ACTR2: variants seen among roughly 807,000 people sequenced by gnomAD.
ACTR2 encodes the protein actin related protein 2, also known as actin-related protein 2.
In ACTR2, 5 loss-of-function variants were observed where a neutral mutation model predicts 50.2. The ratio of observed to expected loss-of-function variants is 0.10; its 90% CI spans 0.05 to 0.21. The LOEUF is 0.21. Ranked by LOEUF, ACTR2 falls within the 10% of genes least tolerant of loss-of-function variation. The probability of loss-of-function intolerance (pLI) is 1.00; values close to 1 mark genes in which losing one functional copy is unlikely to be tolerated. For missense variants in ACTR2, 180 were observed against 480.6 expected, an observed-to-expected ratio of 0.37 and a Z score of 5.85; for synonymous variants, 140 against 162.9, an observed-to-expected ratio of 0.86 and a Z score of 1.07.
At chr2:65,228,216 C>T (rs960771469) in intron 1 of ACTR2, 3 of 379,650 alleles carry the variant, frequency 7.9e-6, no homozygotes, top group African/African-American at 2.1e-5. Flanking sequence ...GACATGGAGC[C>T]TACTGACCGC....
At chr2:65,238,266 A>G (rs904529839) in intron 1 of ACTR2, among the ~76,000 whole-genome samples, 1 of 152,222 alleles carries the variant, frequency 6.6e-6, no homozygotes, top group African/African-American at 2.4e-5. Flanking sequence ...CTTCTTATGT[A>G]TAAAATGGAA....
chr2:65,256,485 A>C (rs1672150867), intron 6 of ACTR2, among the ~76,000 whole-genome samples: 1 of 152,226 alleles, frequency 6.6e-6, no homozygotes, highest in South Asian at 2.1e-4. Flanking sequence ...AGTAATAGGC[A>C]ATGAAGGCAA....
rs1573156293 is a variant in ACTR2, at chr2:65,246,655, A to G, written c.291A>G (p.Lys97=). ...GGGACTACACATTTGGACCAGAGAAACTTAATATAGATACCAGAAATTGTA... is the reference window on the plus strand; with the variant it reads ...GGGACTACACATTTGGACCAGAGAAGCTTAATATAGATACCAGAAATTGTA... ...HLWDYTFGPE[K]LNIDTRNCKI... Residue 97 remains lysine (K), a synonymous_variant, in exon 3 of 9, where the codon AAA becomes AAG. Transcript: ENST00000260641. 1 of 1,613,662 alleles carries G rather than the reference A, an allele frequency of 6.2e-7. No individual in the cohort carries two copies. The highest frequency in any genetic ancestry group is 8.5e-7 in the Non-Finnish European group (1 of 1,179,804).
chr2:65,247,906 G>A (rs189545961), intron 3 of ACTR2, among the ~76,000 whole-genome samples: 98 of 152,288 alleles, frequency 6.4e-4, no homozygotes, highest in African/African-American at 2.3e-3. Flanking sequence ...AGAAGGTGAT[G>A]TTTAAACAGA....
chr2:65,232,900 A>G (rs545333918), intron 1 of ACTR2, among the ~76,000 whole-genome samples: 4 of 152,248 alleles, frequency 2.6e-5, no homozygotes, highest in African/African-American at 7.2e-5. Flanking sequence ...AATGATTGAC[A>G]TGGGGGAGGA....
chr2:65,242,621 A>G (rs781401257), intron 2 of ACTR2: 19 of 507,688 alleles, frequency 3.7e-5, no homozygotes, highest in African/African-American at 1.7e-4. Context: ...AGATTTCACA[A>G]CGTTATCTGA....
intron 1 of ACTR2, among the ~76,000 whole-genome samples, chr2:65,237,597 T>A (rs1410873679): frequency 6.6e-6 from 1 of 152,098 alleles, no homozygotes; most frequent in African/African-American, 2.4e-5. Flanking sequence ...ATGTCTGTAA[T>A]CCCAGCAACT....
rs1230189520 is a variant in ACTR2, at chr2:65,270,465, C to T, written c.*1731C>T. ...AATAGCCCGTACTAGATCTTGGGAA[C>T]ATGGATCTTAGAGTCACTTTGGAAT... On this transcript the variant is annotated 3_prime_UTR_variant, in exon 9 of 9. Coordinates refer to ENST00000260641, the MANE Select transcript of ACTR2 (RefSeq NM_005722.4). The T allele has an allele frequency of 6.6e-6, 1 of 152,626 alleles. No individual in the cohort carries two copies. Among genetic ancestry groups the T allele is most frequent in the Admixed American group, 6.5e-5 (1 of 15,280 alleles). The allele number at this position is 152,626 out of a possible 1,614,324, so 9.5% of individuals were successfully genotyped here.
At chr2:65,258,317 G>T (rs268867) in intron 6 of ACTR2, among the ~76,000 whole-genome samples, 129,680 of 152,154 alleles carry the variant, frequency 0.85, 55,393 homozygotes, top group Middle Eastern at 0.89. Context: ...GGCTCACACC[G>T]GTAATCCCAG....
At chr2:65,251,650 C>T (rs929745718) in intron 4 of ACTR2, among the ~76,000 whole-genome samples, 4 of 152,150 alleles carry the variant, frequency 2.6e-5, no homozygotes, top group African/African-American at 4.8e-5. Flanking sequence ...CATGAGTCAC[C>T]GTGCCTGGCA....
intron 1 of ACTR2, among the ~76,000 whole-genome samples, chr2:65,230,658 A>C (rs957502765): frequency 6.6e-6 from 1 of 151,898 alleles, no homozygotes; most frequent in Non-Finnish European, 1.5e-5. Context: ...AGATCTGCCC[A>C]CTGCGGCCTC....
intron 1 of ACTR2, among the ~76,000 whole-genome samples, chr2:65,234,928 A>T (rs1419518723): frequency 6.6e-6 from 1 of 152,176 alleles, no homozygotes; most frequent in Non-Finnish European, 1.5e-5. Context: ...TCTGTTTATT[A>T]CTTGGAGGTA....
At position 65,269,315 on chromosome 2, in the gene ACTR2, G is replaced by A. The variant is rs527527173; in HGVS notation, c.*581G>A. ...TTTTGGGTGGGTTTTGTTGCGGGGG[G>A]GAGGGTAACAATGGGTGGTCTTCTG... On this transcript the variant is annotated 3_prime_UTR_variant, in exon 9 of 9. Coordinates refer to ENST00000260641, the MANE Select transcript of ACTR2 (RefSeq NM_005722.4). The A allele has an allele frequency of 1.8e-4, 27 of 151,850 alleles. No individual in the cohort carries two copies. Among genetic ancestry groups the A allele is most frequent in the African/African-American group, 6.0e-4 (25 of 41,378 alleles). The allele number at this position is 151,850 out of a possible 1,614,324, so 9.4% of individuals were successfully genotyped here.
intron 2 of ACTR2, among the ~76,000 whole-genome samples, chr2:65,244,475 T>C (rs1671897932): frequency 1.3e-5 from 2 of 152,200 alleles, no homozygotes; most frequent in Non-Finnish European, 2.9e-5. Flanking sequence ...CATTAATATA[T>C]ATCATACTGA....
chr2:65,241,229 A>T (rs1671836238), intron 2 of ACTR2, among the ~76,000 whole-genome samples: 1 of 152,180 alleles, frequency 6.6e-6, no homozygotes, highest in African/African-American at 2.4e-5. Flanking sequence ...AAACTGTTTA[A>T]TGAAGTTGAA....
chr2:65,253,669 C>A, intron 4 of ACTR2, 59 bp from the exon 5 acceptor site: 1 of 1,572,806 alleles, frequency 6.4e-7, no homozygotes, highest in Non-Finnish European at 8.7e-7. Context: ...ATTTGGAACT[C>A]GCTGGCTTTG....
At chr2:65,237,878 G>C (rs970455049) in intron 1 of ACTR2, among the ~76,000 whole-genome samples, 17 of 152,128 alleles carry the variant, frequency 1.1e-4, no homozygotes, top group African/African-American at 4.1e-4. Flanking sequence ...TACTCAGAAG[G>C]CTGAGGCACG....
Position 65,257,835 on chromosome 2 carries a change from G to A in ACTR2, c.735+2141G>A, listed in dbSNP as rs187553934. 3.5e-3 allele frequency among the ~76,000 whole-genome samples: 539 copies of A among 152,232 alleles called. 3 individuals carry two copies. The highest frequency in any genetic ancestry group is 0.012 in the African/African-American group (493 of 41,532). On this transcript the variant is annotated intron_variant, in intron 6 of 8. Transcript: ENST00000260641. ...TTGTTTAAGTTCCTTGTAGATTCTGGTTATTAAGGCTTTGTCAGATGGATA... is the reference window on the plus strand; with the variant it reads ...TTGTTTAAGTTCCTTGTAGATTCTGATTATTAAGGCTTTGTCAGATGGATA...
chr2:65,250,316 A>G (rs570688624), intron 3 of ACTR2, among the ~76,000 whole-genome samples: 130 of 151,230 alleles, frequency 8.6e-4, no homozygotes, highest in African/African-American at 3.0e-3. Context: ...GTGAGCTGAG[A>G]TGGCACCACT....
Sources: allele counts gnomAD v4.1 joint callset (sites outside exome capture counted in the v4.1 genomes callset), GRCh38; gene constraint gnomAD v4.1.1; transcripts MANE v1.5; gene names NCBI Gene and HGNC (gene_info 2026-07-23, HGNC 2026-07-21).